Variants in RFXANK observed in about 807,000 individuals in gnomAD.
RFXANK encodes DNA-binding protein RFXANK.
Under a neutral mutation model 34.5 loss-of-function variants are expected in RFXANK, and 19 were observed. The observed-to-expected ratio is 0.55, with a 90% confidence interval of 0.38 to 0.81. The LOEUF (loss-of-function observed/expected upper bound fraction) is 0.81. Among genes scored for constraint, RFXANK ranks in the 30% least tolerant of loss-of-function variants. The pLI is 0.00. For synonymous variants in RFXANK, 154 were observed against 149.8 expected (o/e 1.03, Z -0.20); for missense variants, 295 against 343.5 (o/e 0.86, Z 1.12).
Position 19,194,029 on chromosome 19 carries a change from G to A in RFXANK, c.83G>A (p.Gly28Glu), listed in dbSNP as rs756191972. 6.2e-7 allele frequency: 1 copy of A among 1,614,196 alleles called. No individual in the cohort carries two copies. Among genetic ancestry groups the A allele is most frequent in the Non-Finnish European group, 8.5e-7 (1 of 1,180,036 alleles). ...GAACTTGGGGACCCTGAAGACCCCGGAGAGGAGGCTGCAGATGGCTCAGAC... is the reference window on the plus strand; with the variant it reads ...GAACTTGGGGACCCTGAAGACCCCGAAGAGGAGGCTGCAGATGGCTCAGAC... The part of the protein sequence containing the change: ...ASELGDPEDP[G>E]EEAADGSDTV... The change falls in exon 3 of 10, where the codon GGA becomes GAA. Residue 28 changes from glycine (G) to glutamate (E), a missense_variant. Transcript: ENST00000303088.
intron 3 of RFXANK, among the ~76,000 whole-genome samples, chr19:19,196,623 G>A (rs904954183): frequency 1.3e-5 from 2 of 151,992 alleles, no homozygotes; most frequent in African/African-American, 4.8e-5. Flanking sequence ...CCAGCACTTT[G>A]GGAGGCTGAG....
intron 9 of RFXANK, 193 bp from the exon 10 acceptor site, chr19:19,201,456 A>C: frequency 1.3e-5 from 20 of 1,547,480 alleles, no homozygotes; most frequent in Non-Finnish European, 1.7e-5. Flanking sequence ...AAAGCTACAA[A>C]AGTGCATTTT....
chr19:19,198,082 C>T (rs1477344454), intron 6 of RFXANK, 25 bp from the exon 7 acceptor site: 7 of 1,613,312 alleles, frequency 4.3e-6, no homozygotes, highest in Non-Finnish European at 5.9e-6. Context: ...ATCCATCCTA[C>T]CACTGTCCCT....
intron 5 of RFXANK, 42 bp from the exon 6 acceptor site, chr19:19,197,479 C>A (rs764840130): frequency 6.3e-7 from 1 of 1,590,346 alleles, no homozygotes; most frequent in Non-Finnish European, 8.6e-7. Context: ...GGATAGGGGG[C>A]AGGGGTGCAG....
rs1802497 is a variant in RFXANK, at chr19:19,193,090, C to G, written c.-19C>G. ...TTTCGGCGCGGGGGGACAGAGGAGG[C>G]TCGTGGGGAGGTGAGTGGACCTCCT... On this transcript the variant is annotated 5_prime_UTR_variant, in exon 2 of 10. Transcript: ENST00000303088. The G allele has an allele frequency of 6.6e-6, 1 of 152,282 alleles. No individual in the cohort carries two copies. Among genetic ancestry groups the G allele is most frequent in the Non-Finnish European group, 1.5e-5 (1 of 68,134 alleles). The allele number at this position is 152,282 out of a possible 1,614,324, so 9.4% of individuals were successfully genotyped here. A position where few individuals can be genotyped will look rare whatever the true frequency, so the allele number is the denominator to read the frequency against.
chr19:19,197,125 G>A (rs1427031111), intron 4 of RFXANK, 61 bp from the exon 5 acceptor site: 5 of 1,611,824 alleles, frequency 3.1e-6, no homozygotes, highest in Non-Finnish European at 8.5e-7. Context: ...TGGACAGAGG[G>A]TAAACTGAGG....
At chr19:19,196,919 G>A (rs559197327) in intron 3 of RFXANK, 44 bp from the exon 4 acceptor site, 35 of 1,523,610 alleles carry the variant, frequency 2.3e-5, no homozygotes, top group African/African-American at 2.2e-4. Context: ...AAGCCTCAGA[G>A]ACATCTACTG....
Position 19,201,656 on chromosome 19 carries a change from G to A in RFXANK, c.720G>A (p.Gln240=). The change falls in exon 10 of 10, where the codon CAG becomes CAA. Residue 240 remains glutamine, a synonymous_variant. Coordinates refer to ENST00000303088, the MANE Select transcript of RFXANK (RefSeq NM_003721.4). ...TTCCCTGCCCCATCTCAGTGCAACA[G>A]GTGATCGAGAACCACATCCTCAAGC... ...AVALGYRKVQ[Q]VIENHILKLF... 1 of 1,614,138 alleles carries A rather than the reference G, an allele frequency of 6.2e-7. No homozygotes were observed. The highest frequency in any genetic ancestry group is 1.6e-4 in the Middle Eastern group (1 of 6,062).
intron 1 of RFXANK, 176 bp from the exon 2 acceptor site, chr19:19,192,784 T>TGCCCTCCCAGGACCCCAGCGGAACCCAC: frequency 6.6e-6 from 1 of 152,204 alleles, no homozygotes; most frequent in South Asian, 2.0e-4. Context: ...CAGGCGCAAC[T>TGCCCTCCCAGGACCCCAGCGGAACCCAC]GCCCTCCCAG....
intron 9 of RFXANK, among the ~76,000 whole-genome samples, chr19:19,201,221 T>A (rs1297554150): frequency 6.6e-6 from 1 of 152,188 alleles, no homozygotes; most frequent in Non-Finnish European, 1.5e-5. Flanking sequence ...ATTACAGGTG[T>A]GAGCCACCAA....
chr19:19,193,920 C>T lies in RFXANK; in HGVS notation c.-8-19C>T. 6.2e-7 allele frequency: 1 copy of T among 1,613,558 alleles called. No individual in the cohort carries two copies. Among genetic ancestry groups the T allele is most frequent in the Non-Finnish European group, 8.5e-7 (1 of 1,179,572 alleles). On this transcript the variant is annotated intron_variant, in intron 2 of 9. Transcript: ENST00000303088. The stretch of plus-strand genomic sequence containing the variant: ...GTTGATAATTATTGTCATCTCTCCC[C>T]TTCTGACACCTCCGCCAGCTTTCCC...
At chr19:19,201,479 G>A (rs1260734506) in intron 9 of RFXANK, 170 bp from the exon 10 acceptor site, 1 of 1,582,488 alleles carries the variant, frequency 6.3e-7, no homozygotes, top group South Asian at 1.1e-5. Context: ...CAAACTTAGG[G>A]GAAGTTGAGG....
At chr19:19,193,418 T>C (rs932550716) in intron 2 of RFXANK, among the ~76,000 whole-genome samples, 167 of 138,742 alleles carry the variant, frequency 1.2e-3, no homozygotes, top group African/African-American at 4.4e-3. Context: ...CTTTCTTTTT[T>C]TTTTTTTTTT....
Position 19,197,632 on chromosome 19 carries a change from G to A in RFXANK, c.438+11G>A. ...TTCCTGCTGGAGTGGGTGCGTCCCAGCCCAGCTGGGCAGCTGGGGGGTTCC... is the reference window on the plus strand; with the variant it reads ...TTCCTGCTGGAGTGGGTGCGTCCCAACCCAGCTGGGCAGCTGGGGGGTTCC... On this transcript the variant is annotated intron_variant, in intron 6 of 9. Transcript: ENST00000303088. 6.2e-7 allele frequency: 1 copy of A among 1,612,352 alleles called. No individual in the cohort carries two copies. The highest frequency in any genetic ancestry group is 8.5e-7 in the Non-Finnish European group (1 of 1,179,044).
chr19:19,201,565 TA>T, intron 9 of RFXANK, 83 bp from the exon 10 acceptor site: 1 of 1,609,582 alleles, frequency 6.2e-7, no homozygotes. Flanking sequence ...GTTTGTCCCC[TA>T]AGGGGAGAGC....
chr19:19,192,774 C>T (rs1272178895), intron 1 of RFXANK, 186 bp from the exon 2 acceptor site: 1 of 152,700 alleles, frequency 6.5e-6, no homozygotes, highest in Non-Finnish European at 1.5e-5. Context: ...AAAGAAGGCG[C>T]AGGCGCAACT....
chr19:19,197,369 G>A (rs1251377802), intron 5 of RFXANK, 118 bp downstream of exon 5: 7 of 1,248,688 alleles, frequency 5.6e-6, no homozygotes, highest in Non-Finnish European at 8.1e-6. Flanking sequence ...GTATCTAACT[G>A]TGTGTGTGAC....
At chr19:19,195,030 C>T (rs904812455) in intron 3 of RFXANK, among the ~76,000 whole-genome samples, 13 of 148,702 alleles carry the variant, frequency 8.7e-5, no homozygotes, top group South Asian at 6.4e-4. Flanking sequence ...CCTCCCTTCC[C>T]GCCTCCGTTT....
At chr19:19,192,599 A>G (rs897218849) in intron 1 of RFXANK, 45 bp downstream of exon 1, 1 of 160,630 alleles carries the variant, frequency 6.2e-6, no homozygotes, top group East Asian at 1.9e-4. Flanking sequence ...TACTTCCCCT[A>G]CTTCTTCTTC....
Sources: allele counts gnomAD v4.1 joint callset (sites outside exome capture counted in the v4.1 genomes callset), GRCh38; gene constraint gnomAD v4.1.1; transcripts MANE v1.5; gene names NCBI Gene and HGNC (gene_info 2026-07-23, HGNC 2026-07-21).